The following RIT2 variants were observed in gnomAD, a reference collection of about 807,000 sequenced individuals.
The protein encoded by RIT2 is Ras like without CAAX 2.
Under a neutral mutation model 23.7 loss-of-function variants are expected in RIT2, and 24 were observed. The observed-to-expected ratio is 1.01, with a 90% CI of 0.73 to 1.43. The LOEUF (loss-of-function observed/expected upper bound fraction) is 1.43. Among genes scored for constraint, RIT2 ranks in the 40% most tolerant of loss-of-function variants. RIT2 has a pLI of 0.00. For synonymous variants in RIT2, 107 were observed against 91.1 expected, an observed-to-expected ratio of 1.17 and a Z score of -0.99; for missense variants, 236 against 266.9, an observed-to-expected ratio of 0.88 and a Z score of 0.81.
At chr18:43,105,516 G>GGAA (rs1568083865) in intron 1 of RIT2, among the ~76,000 whole-genome samples, 2 of 151,182 alleles carry the variant, frequency 1.3e-5, no homozygotes, top group African/African-American at 4.9e-5. Flanking sequence ...GAGGGAGGGA[G>GGAA]GGAATGAGCA....
At chr18:42,826,976 G>T (rs922787824) in intron 4 of RIT2, among the ~76,000 whole-genome samples, 1 of 152,058 alleles carries the variant, frequency 6.6e-6, no homozygotes, top group Admixed American at 6.6e-5. Flanking sequence ...CCAGGTTATG[G>T]CAGTTATTTG....
chr18:43,033,454 A>T (rs927667409), intron 2 of RIT2, among the ~76,000 whole-genome samples: 4 of 152,132 alleles, frequency 2.6e-5, no homozygotes, highest in Admixed American at 2.6e-4. Context: ...GAAGTGAGCA[A>T]ATACATATAT....
At chr18:42,886,750 C>A (rs904874134) in intron 4 of RIT2, among the ~76,000 whole-genome samples, 1 of 151,902 alleles carries the variant, frequency 6.6e-6, no homozygotes, top group African/African-American at 2.4e-5. Context: ...GACAGAAGGG[C>A]AACATGAAAA....
At chr18:42,800,658 T>C (rs1905509272) in intron 4 of RIT2, among the ~76,000 whole-genome samples, 3 of 151,910 alleles carry the variant, frequency 2.0e-5, no homozygotes, top group Admixed American at 2.0e-4. Context: ...GCCTCCCGAG[T>C]AGCTGGGACT....
At chr18:42,857,115 C>T (rs373842227) in intron 4 of RIT2, among the ~76,000 whole-genome samples, 1 of 132,118 alleles carries the variant, frequency 7.6e-6, no homozygotes, top group Non-Finnish European at 1.5e-5. Flanking sequence ...CCAGCAGGCC[C>T]GGCCAAGACG....
intron 1 of RIT2, among the ~76,000 whole-genome samples, chr18:43,081,472 G>A (rs1489389252): frequency 1.3e-5 from 2 of 151,990 alleles, no homozygotes; most frequent in Admixed American, 1.3e-4. Flanking sequence ...AGAAATTTAG[G>A]GACAGAGAGA....
chr18:42,794,624 T>C (rs1043954897), intron 4 of RIT2, among the ~76,000 whole-genome samples: 3 of 152,204 alleles, frequency 2.0e-5, no homozygotes, highest in African/African-American at 7.2e-5. Flanking sequence ...TTTCTACTTC[T>C]GATTTAAAAA....
At chr18:43,019,348 G>A (rs1175423408) in intron 2 of RIT2, among the ~76,000 whole-genome samples, 3 of 151,802 alleles carry the variant, frequency 2.0e-5, no homozygotes, top group East Asian at 3.9e-4. Context: ...ATGATTAAGT[G>A]GCATTTATTC....
chr18:42,934,574 T>C (rs910553185), intron 3 of RIT2, among the ~76,000 whole-genome samples: 5 of 152,146 alleles, frequency 3.3e-5, no homozygotes, highest in African/African-American at 1.2e-4. Context: ...TTTTTTCAAA[T>C]TGTTAGTAAG....
intron 4 of RIT2, among the ~76,000 whole-genome samples, chr18:42,908,082 T>TA (rs1348098228): frequency 7.3e-6 from 1 of 136,960 alleles, no homozygotes; most frequent in African/African-American, 2.7e-5. Context: ...TATATAAAAA[T>TA]AAAAAAGAAT....
At chr18:43,038,927 C>G (rs944307378) in intron 1 of RIT2, among the ~76,000 whole-genome samples, 3 of 151,702 alleles carry the variant, frequency 2.0e-5, no homozygotes, top group African/African-American at 7.3e-5. Context: ...AATTAGGTAA[C>G]ATTGACAGGT....
chr18:42,812,400 T>C (rs931327434), intron 4 of RIT2, among the ~76,000 whole-genome samples: 4 of 152,156 alleles, frequency 2.6e-5, no homozygotes, highest in African/African-American at 9.7e-5. Flanking sequence ...CAAGTTTTGT[T>C]GTTTTAAGTC....
intron 4 of RIT2, among the ~76,000 whole-genome samples, chr18:42,827,875 C>G (rs12103973): frequency 2.6e-5 from 4 of 151,374 alleles, no homozygotes; most frequent in South Asian, 2.1e-4. Flanking sequence ...CATGGTGGCA[C>G]GCGCCTGTAG....
chr18:43,061,592 G>C (rs1912646306), intron 1 of RIT2, among the ~76,000 whole-genome samples: 1 of 152,078 alleles, frequency 6.6e-6, no homozygotes, highest in Non-Finnish European at 1.5e-5. Flanking sequence ...TTTCATTTCT[G>C]TTTTACCCAC....
At chr18:42,868,925 G>A (rs1907544190) in intron 4 of RIT2, among the ~76,000 whole-genome samples, 1 of 152,138 alleles carries the variant, frequency 6.6e-6, no homozygotes. Flanking sequence ...AGTCCGGACT[G>A]GGCTTGAATA....
At chr18:43,044,819 T>G (rs2144298782) in intron 1 of RIT2, among the ~76,000 whole-genome samples, 1 of 152,278 alleles carries the variant, frequency 6.6e-6, no homozygotes, top group East Asian at 1.9e-4. Context: ...TTTTTCCTTC[T>G]ATGGAATGTT....
chr18:42,779,045 TGAG>T (rs1913744759), intron 4 of RIT2, among the ~76,000 whole-genome samples: 1 of 152,150 alleles, frequency 6.6e-6, no homozygotes, highest in South Asian at 2.1e-4. Context: ...GAAGTTTGAC[TGAG>T]ATCTTTTTTG....
intron 4 of RIT2, among the ~76,000 whole-genome samples, chr18:42,824,765 G>T (rs1906248066): frequency 6.6e-6 from 1 of 151,624 alleles, no homozygotes; most frequent in Non-Finnish European, 1.5e-5. Flanking sequence ...GTATGTGTGT[G>T]TGTGTGTGTG....
intron 4 of RIT2, among the ~76,000 whole-genome samples, chr18:42,877,580 A>G (rs144000486): frequency 2.6e-5 from 4 of 151,042 alleles, no homozygotes; most frequent in African/African-American, 9.7e-5. Context: ...ATACAAATAA[A>G]GATTTATGTG....
Sources: allele counts gnomAD v4.1 joint callset (sites outside exome capture counted in the v4.1 genomes callset), GRCh38; gene constraint gnomAD v4.1.1; transcripts MANE v1.5; gene names NCBI Gene and HGNC (gene_info 2026-07-23, HGNC 2026-07-21).